The following CTNNA3 variants were observed in gnomAD, a reference collection of about 807,000 sequenced individuals.
CTNNA3 encodes the protein catenin alpha 3.
A neutral mutation model predicts 95.7 loss-of-function variants in CTNNA3; 76 were observed. The observed-to-expected ratio is 0.79, with a 90% confidence interval of 0.66 to 0.96. CTNNA3 has a LOEUF of 0.96. Among genes scored for constraint, CTNNA3 ranks in the 40% least tolerant of loss-of-function variants. CTNNA3 has a pLI of 0.00. For synonymous variants in CTNNA3, 431 were observed against 374.4 expected, an observed-to-expected ratio of 1.15 and a Z score of -1.74; for missense variants, 1,191 against 1,089.8, an observed-to-expected ratio of 1.09 and a Z score of -1.31.
intron 7 of CTNNA3, among the ~76,000 whole-genome samples, chr10:66,779,044 C>G (rs185100029): frequency 6.6e-6 from 1 of 151,872 alleles, no homozygotes; most frequent in African/African-American, 2.4e-5. Context: ...AAAATCCCAA[C>G]CCTCAAAGTG....
At chr10:66,473,206 T>C (rs1839197265) in intron 11 of CTNNA3, among the ~76,000 whole-genome samples, 1 of 152,034 alleles carries the variant, frequency 6.6e-6, no homozygotes. Context: ...AAATCTCATC[T>C]TGAATTCTAA....
chr10:66,850,411 T>A (rs928244639), intron 7 of CTNNA3, among the ~76,000 whole-genome samples: 3 of 152,290 alleles, frequency 2.0e-5, no homozygotes, highest in African/African-American at 7.2e-5. Flanking sequence ...TCTTCAAATT[T>A]AAGAGTTGGA....
intron 3 of CTNNA3, among the ~76,000 whole-genome samples, chr10:67,573,082 C>G (rs2133293377): frequency 6.6e-6 from 1 of 152,190 alleles, no homozygotes; most frequent in Middle Eastern, 3.4e-3. Flanking sequence ...GAGTGAGACC[C>G]TGTGTCAAAA....
At chr10:66,503,194 T>C (rs1840337921) in intron 11 of CTNNA3, among the ~76,000 whole-genome samples, 1 of 152,192 alleles carries the variant, frequency 6.6e-6, no homozygotes, top group African/African-American at 2.4e-5. Context: ...AAATATGTAA[T>C]TTATTCAATT....
At chr10:66,971,388 T>C (rs1023703239) in intron 7 of CTNNA3, among the ~76,000 whole-genome samples, 10 of 151,634 alleles carry the variant, frequency 6.6e-5, no homozygotes, top group African/African-American at 2.4e-4. Context: ...ATCGTGCCAC[T>C]GCACTCTAAG....
rs192268948 is a variant in CTNNA3 at position 66,000,697 on chromosome 10, C to T, written c.2160-11900G>A. ...TTTCTTCTGTAATTAAGAGTTAGCA[C>T]ATTCAGCATTTTCTGTTTGCCAGAC... is the stretch of plus-strand genomic sequence containing the variant. On this transcript the variant is annotated intron_variant, in intron 15 of 17. Transcript: ENST00000433211. Among the ~76,000 whole-genome samples the T allele has an allele frequency of 8.5e-5, 13 of 152,172 alleles. No homozygotes were observed. The East Asian group carries it at 2.3e-3, about 27-fold the overall frequency.
chr10:67,458,151 A>G (rs1847242069), intron 5 of CTNNA3, among the ~76,000 whole-genome samples: 1 of 151,970 alleles, frequency 6.6e-6, no homozygotes, highest in Admixed American at 6.6e-5. Context: ...TCCCTCCCTC[A>G]TTTACCATCA....
chr10:67,732,533 A>G (rs1841281441), intron 1 of CTNNA3, among the ~76,000 whole-genome samples: 1 of 152,220 alleles, frequency 6.6e-6, no homozygotes. Context: ...CTTTCTAATT[A>G]AAAATGCATT....
intron 7 of CTNNA3, among the ~76,000 whole-genome samples, chr10:67,114,209 G>A (rs911751272): frequency 2.0e-5 from 3 of 151,972 alleles, no homozygotes; most frequent in African/African-American, 7.2e-5. Context: ...ATTAAAGACT[G>A]AATTTGTACC....
chr10:67,485,298 G>T (rs1848400130), intron 5 of CTNNA3, among the ~76,000 whole-genome samples: 1 of 152,128 alleles, frequency 6.6e-6, no homozygotes, highest in Non-Finnish European at 1.5e-5. Context: ...ATAGCAACAA[G>T]CTTTCTTGGG....
At chr10:66,816,482 G>A (rs1842092516) in intron 7 of CTNNA3, among the ~76,000 whole-genome samples, 1 of 151,962 alleles carries the variant, frequency 6.6e-6, no homozygotes, top group Non-Finnish European at 1.5e-5. Context: ...AAAGTAAAAG[G>A]ATAGAAAAAG....
At position 67,255,960 on chromosome 10, in the gene CTNNA3, C is replaced by T. The variant is rs1033887055; in HGVS notation, c.580-36090G>A. ...GTGAATTCTTACCACTGAAAACCAG[C>T]ACCACCAGAGAAATAATCACTTAAA... On this transcript the variant is annotated intron_variant, in intron 5 of 17. Transcript: ENST00000433211. Among the ~76,000 whole-genome samples the T allele has an allele frequency of 7.9e-5, 12 of 151,780 alleles. No homozygotes were observed. In the South Asian group the frequency reaches 1.0e-3, roughly 13 times the overall value.
At chr10:66,881,952 C>T (rs763847430) in intron 7 of CTNNA3, among the ~76,000 whole-genome samples, 6 of 152,014 alleles carry the variant, frequency 3.9e-5, no homozygotes, top group Admixed American at 6.6e-5. Flanking sequence ...TAGACCAGGA[C>T]CTAGCCTGAA....
At chr10:66,275,282 T>C (rs1462507808) in intron 13 of CTNNA3, among the ~76,000 whole-genome samples, 1 of 152,170 alleles carries the variant, frequency 6.6e-6, no homozygotes, top group Admixed American at 6.5e-5. Flanking sequence ...CATGCCCAGC[T>C]AATTTTTTGT....
At chr10:66,514,210 A>G (rs1840760928) in intron 11 of CTNNA3, among the ~76,000 whole-genome samples, 3 of 152,178 alleles carry the variant, frequency 2.0e-5, no homozygotes, top group Non-Finnish European at 4.4e-5. Flanking sequence ...AATCTGGAAA[A>G]TTAATGTAGA....
chr10:66,195,814 T>C (rs1212185835), intron 13 of CTNNA3, among the ~76,000 whole-genome samples: 1 of 152,194 alleles, frequency 6.6e-6, no homozygotes, highest in Non-Finnish European at 1.5e-5. Flanking sequence ...GGAACATATA[T>C]ACAGAATGTT....
intron 7 of CTNNA3, among the ~76,000 whole-genome samples, chr10:66,799,766 G>A (rs1841359887): frequency 1.3e-5 from 2 of 151,334 alleles, no homozygotes; most frequent in African/African-American, 4.8e-5. Context: ...AAAAATCTCA[G>A]TGAGCCCCAA....
At chr10:67,258,184 C>T (rs944001041) in intron 5 of CTNNA3, among the ~76,000 whole-genome samples, 5 of 152,162 alleles carry the variant, frequency 3.3e-5, no homozygotes, top group African/African-American at 4.8e-5. Flanking sequence ...CACTCTGTTG[C>T]CCAGGCTGGA....
chr10:67,130,008 A>G (rs1416991297), intron 7 of CTNNA3, among the ~76,000 whole-genome samples: 2 of 152,190 alleles, frequency 1.3e-5, no homozygotes, highest in African/African-American at 2.4e-5. Context: ...AAAATGAAAA[A>G]GAGAATGTCT....
Sources: allele counts gnomAD v4.1 joint callset (sites outside exome capture counted in the v4.1 genomes callset), GRCh38; gene constraint gnomAD v4.1.1; transcripts MANE v1.5; gene names NCBI Gene and HGNC (gene_info 2026-07-23, HGNC 2026-07-21).